NEIL3: variants seen among roughly 807,000 people sequenced by gnomAD.
NEIL3 encodes nei like DNA glycosylase 3, also known as endonuclease 8-like 3.
NEIL3 carries 48 observed loss-of-function variants against 57.5 expected under a neutral mutation model. The ratio of observed to expected loss-of-function variants is 0.83; its 90% CI spans 0.66 to 1.06. The LOEUF is 1.06. Ranked by LOEUF, NEIL3 falls within the 50% of genes least tolerant of loss-of-function variation. NEIL3 has a pLI of 0.00. For synonymous variants in NEIL3, 261 were observed against 253.2 expected, an observed-to-expected ratio of 1.03 and a Z score of -0.29; for missense variants, 717 against 739.1, an observed-to-expected ratio of 0.97 and a Z score of 0.35.
chr4:177,361,051 GGT>G (rs1409048331), intron 9 of NEIL3, among the ~76,000 whole-genome samples: 2 of 152,072 alleles, frequency 1.3e-5, no homozygotes, highest in Non-Finnish European at 1.5e-5. Flanking sequence ...CAAAACCTTT[GGT>G]TTATGCATTG....
downstream of NEIL3, among the ~76,000 whole-genome samples, chr4:177,366,028 G>T (rs185768245): frequency 6.6e-6 from 1 of 152,150 alleles, no homozygotes; most frequent in Non-Finnish European, 1.5e-5. Context: ...AGATTTTAAA[G>T]CAGCTATTAT....
intron 6 of NEIL3, among the ~76,000 whole-genome samples, chr4:177,349,351 C>T (rs1348967785): frequency 6.6e-6 from 1 of 152,086 alleles, no homozygotes; most frequent in African/African-American, 2.4e-5. Context: ...ACTGTGCTCC[C>T]TCTGGAGGAA....
chr4:177,364,926 C>CAAA (rs369726919), downstream of NEIL3, among the ~76,000 whole-genome samples: 4 of 99,508 alleles, frequency 4.0e-5, no homozygotes, highest in South Asian at 2.9e-4. Context: ...GACTCTGTCT[C>CAAA]AAAAAAAAAA....
intron 7 of NEIL3, among the ~76,000 whole-genome samples, chr4:177,351,902 A>C (rs1208619936): frequency 6.6e-6 from 1 of 152,228 alleles, no homozygotes; most frequent in Non-Finnish European, 1.5e-5. Flanking sequence ...CAAGTGTTGC[A>C]TAAATTGAAA....
At chr4:177,341,437 T>C (rs1735088470) in intron 5 of NEIL3, 39 bp from the exon 6 acceptor site, 1 of 1,538,670 alleles carries the variant, frequency 6.5e-7, no homozygotes, top group African/African-American at 1.4e-5. Flanking sequence ...CAGCACTGTT[T>C]TGTGGATAAC....
At chr4:177,339,708 A>G in intron 4 of NEIL3, 75 bp from the exon 5 acceptor site, 3 of 951,284 alleles carry the variant, frequency 3.2e-6, no homozygotes, top group Non-Finnish European at 5.0e-6. Context: ...CTTTCACAGA[A>G]TTGGCAAGGC....
chr4:177,346,744 T>G (rs72702968), intron 6 of NEIL3, among the ~76,000 whole-genome samples: 26,247 of 152,066 alleles, frequency 0.17, 2,740 homozygotes, highest in Admixed American at 0.29. Flanking sequence ...GGCTCACATC[T>G]GTAATCCCAG....
chr4:177,316,396 C>T (rs1225089129), intron 1 of NEIL3, among the ~76,000 whole-genome samples: 7 of 152,134 alleles, frequency 4.6e-5, no homozygotes, highest in Non-Finnish European at 7.4e-5. Flanking sequence ...ATGGGAAATT[C>T]TGGTAAGTAG....
chr4:177,330,526 TAG>T (rs1311743735), intron 2 of NEIL3, among the ~76,000 whole-genome samples: 1 of 151,238 alleles, frequency 6.6e-6, no homozygotes, highest in African/African-American at 2.4e-5. Flanking sequence ...ATGAAAGCAA[TAG>T]AGAAAAAAAA....
intron 1 of NEIL3, among the ~76,000 whole-genome samples, chr4:177,315,058 G>C (rs1181828127): frequency 4.7e-5 from 6 of 127,700 alleles, no homozygotes; most frequent in Non-Finnish European, 3.2e-5. Flanking sequence ...AACAGAGCGA[G>C]ACTCCGTCTC....
rs1385689581 is a variant in NEIL3, at chr4:177,362,717, T to C, written c.*246T>C. ...GCATATTCCATTTAGGATGTGTATT[T>C]AATGCATTTAGTAATGACGATAAAG... is the stretch of plus-strand genomic sequence containing the variant. On this transcript the variant is annotated 3_prime_UTR_variant, in exon 10 of 10. Coordinates refer to ENST00000264596, the MANE Select transcript of NEIL3 (RefSeq NM_018248.3). 1 of 313,100 alleles carries C rather than the reference T, an allele frequency of 3.2e-6. No homozygotes were observed. Among genetic ancestry groups the C allele is most frequent in the Non-Finnish European group, 5.8e-6 (1 of 171,304 alleles). The allele number at this position is 313,100 out of a possible 1,614,324, so 19.4% of individuals were successfully genotyped here.
intron 1 of NEIL3, among the ~76,000 whole-genome samples, chr4:177,313,601 G>T (rs993757553): frequency 1.3e-5 from 2 of 152,170 alleles, no homozygotes; most frequent in African/African-American, 4.8e-5. Context: ...GATTTTAATT[G>T]TTGGGTGGAT....
In NEIL3 at chr4:177,321,484, C is replaced by T. The variant is rs116046285; in HGVS notation, c.157-975C>T. 7.7e-3 allele frequency among the ~76,000 whole-genome samples: 1,176 copies of T among 151,802 alleles called. 13 individuals are homozygous for T. The highest frequency in any genetic ancestry group is 0.026 in the African/African-American group (1,089 of 41,398). ...TAAAAAATAATGACATAAGAAACAC[C>T]AGTATACATAATGCTCAGTTTAAGA... is the stretch of plus-strand genomic sequence containing the variant. On this transcript the variant is annotated intron_variant, in intron 1 of 9. Coordinates refer to ENST00000264596, the MANE Select transcript of NEIL3 (RefSeq NM_018248.3).
chr4:177,360,820 A>T, intron 9 of NEIL3, 143 bp downstream of exon 9: 1 of 579,052 alleles, frequency 1.7e-6, no homozygotes, highest in East Asian at 2.9e-5. Context: ...TAAAGCTTGA[A>T]TGTTGACTAA....
intron 2 of NEIL3, among the ~76,000 whole-genome samples, chr4:177,323,712 A>T (rs1253962187): frequency 6.6e-6 from 1 of 152,202 alleles, no homozygotes. Context: ...ACACAATGGG[A>T]TCTATGCACG....
At chr4:177,360,158 A>G (rs1249038152) in intron 8 of NEIL3, among the ~76,000 whole-genome samples, 1 of 152,220 alleles carries the variant, frequency 6.6e-6, no homozygotes, top group Non-Finnish European at 1.5e-5. Context: ...AGAATATTTT[A>G]GAGGAAAAAG....
At chr4:177,347,001 C>CA (rs11323162) in intron 6 of NEIL3, among the ~76,000 whole-genome samples, 2,645 of 123,278 alleles carry the variant, frequency 0.021, 76 homozygotes, top group African/African-American at 0.067. Flanking sequence ...GACTCCGTCT[C>CA]AAAAAAAAAA....
In NEIL3 at chr4:177,353,669, G is replaced by A. The variant is rs1345930368; in HGVS notation, c.1401G>A (p.Pro467=). The A allele has an allele frequency of 7.4e-6, 12 of 1,613,322 alleles. No homozygotes were observed. The highest frequency in any genetic ancestry group is 2.7e-5 in the African/African-American group (2 of 74,794). The change falls in exon 8 of 10, where the codon CCG becomes CCA. Residue 467 remains proline (P), a synonymous_variant. Transcript: ENST00000264596. The part of the protein sequence containing the change: ...SKLFSPAHKK[P]KTAQYSSPEL... Reference sequence around the variant, plus strand: ...TATTTAGTCCAGCACATAAAAAACCGAAAACAGCCCAATACTCATCACCAG... The same window carrying A: ...TATTTAGTCCAGCACATAAAAAACCAAAAACAGCCCAATACTCATCACCAG...
chr4:177,358,895 A>T (rs1046916002), intron 8 of NEIL3, among the ~76,000 whole-genome samples: 1 of 152,220 alleles, frequency 6.6e-6, no homozygotes, highest in Non-Finnish European at 1.5e-5. Context: ...ACAATTTTTA[A>T]TAAGAATGCA....
Sources: allele counts gnomAD v4.1 joint callset (sites outside exome capture counted in the v4.1 genomes callset), GRCh38; gene constraint gnomAD v4.1.1; transcripts MANE v1.5; gene names NCBI Gene and HGNC (gene_info 2026-07-23, HGNC 2026-07-21).